The following KCNQ1 variants were observed in gnomAD, a reference collection of about 807,000 sequenced individuals.
The protein encoded by KCNQ1 is potassium voltage-gated channel subfamily Q member 1.
In KCNQ1, 49 loss-of-function variants were observed where a neutral mutation model predicts 72.4. That is an observed-to-expected ratio of 0.68 (90% CI 0.54 to 0.86). The LOEUF (loss-of-function observed/expected upper bound fraction) is 0.86. KCNQ1 is among the 40% of genes least tolerant of loss of function. The pLI is 0.00. For missense variants in KCNQ1, 790 were observed against 945.1 expected, an observed-to-expected ratio of 0.84 and a Z score of 2.15; for synonymous variants, 450 against 412.6, an observed-to-expected ratio of 1.09 and a Z score of -1.10.
Position 2,451,488 on chromosome 11 carries a change from G to A in KCNQ1, c.386+6004G>A, listed in dbSNP as rs1158861996. On this transcript the variant is annotated intron_variant, in intron 1 of 15. Transcript: ENST00000155840. This position sits in a 1 kb window ranked among gnomAD's most constrained non-coding sequence, Gnocchi z 6.4. ...GATTGAGGCTCGGGGCCATGGGATC[G>A]GCACTGTCATTGCCCTTGGAGGGTT... 1.3e-5 allele frequency among the ~76,000 whole-genome samples: 2 copies of A among 152,172 alleles called. No individual in the cohort carries two copies. Among genetic ancestry groups the A allele is most frequent in the East Asian group, 1.9e-4 (1 of 5,186 alleles).
In KCNQ1 at chr11:2,661,790, C is replaced by G. The variant is rs921420681; in HGVS notation, c.1394-171C>G. On this transcript the variant is annotated intron_variant, in intron 10 of 15. Coordinates refer to ENST00000155840, the MANE Select transcript of KCNQ1 (RefSeq NM_000218.3). The surrounding 1 kb of genome is among the most constrained non-coding windows in gnomAD (Gnocchi z 5.9). The stretch of plus-strand genomic sequence containing the variant: ...GAGGTGTCAGGCACTTTGGGGCCAT[C>G]TTAAACACCCACCCACCCCAACACC... 3 of 754,848 alleles carry G rather than the reference C, an allele frequency of 4.0e-6. No individual in the cohort carries two copies. Among genetic ancestry groups the G allele is most frequent in the Non-Finnish European group, 6.7e-6 (3 of 447,464 alleles). 46.8% of individuals were successfully genotyped at this position (754,848 alleles called of 1,614,324 possible). A position where few individuals can be genotyped will look rare whatever the true frequency, so the allele number is the denominator to read the frequency against.
At chr11:2,694,398 A>G (rs1850638874) in intron 11 of KCNQ1, 1 of 398,558 alleles carries the variant, frequency 2.5e-6, no homozygotes, top group African/African-American at 2.1e-5. Flanking sequence ...AGAATTACTA[A>G]TATCAACTAG....
rs199472706 is a variant in KCNQ1, at chr11:2,571,391, C to T, written c.671C>T (p.Thr224Met). The change falls in exon 4 of 16, where the codon ACG becomes ATG. Residue 224 changes from threonine (T) to methionine (M), a missense_variant. Thr to Met is a moderately conservative substitution (Grantham distance 81). Coordinates refer to ENST00000155840, the MANE Select transcript of KCNQ1 (RefSeq NM_000218.3). ...CVGSKGQVFA[T>M]SAIRGIRFLQ... ...GGCTCCAAGGGGCAGGTGTTTGCCACGTCGGCCATCAGGTGCGTCTGTGCC... is the reference window on the plus strand; with the variant it reads ...GGCTCCAAGGGGCAGGTGTTTGCCATGTCGGCCATCAGGTGCGTCTGTGCC... 22 of 1,611,626 alleles carry T rather than the reference C, an allele frequency of 1.4e-5. No individual in the cohort carries two copies. Among genetic ancestry groups the T allele is most frequent in the Non-Finnish European group, 5.9e-6 (7 of 1,179,874 alleles).
chr11:2,448,884 C>T (rs529406338), intron 1 of KCNQ1, among the ~76,000 whole-genome samples: 32 of 152,294 alleles, frequency 2.1e-4, no homozygotes, highest in Non-Finnish European at 4.6e-4. Flanking sequence ...ACTGTGGCTT[C>T]GTACTAGTTG....
At chr11:2,469,537 C>T (rs1004057242) in intron 1 of KCNQ1, among the ~76,000 whole-genome samples, 1 of 152,102 alleles carries the variant, frequency 6.6e-6, no homozygotes, top group Non-Finnish European at 1.5e-5. Context: ...TCCCAAAGTG[C>T]TGGGATTACA....
rs1024831910 is a variant in KCNQ1, at chr11:2,463,228, C to T, written c.386+17744C>T. On this transcript the variant is annotated intron_variant, in intron 1 of 15. Coordinates refer to ENST00000155840, the MANE Select transcript of KCNQ1 (RefSeq NM_000218.3). The surrounding 1 kb of genome is among the most constrained non-coding windows in gnomAD (Gnocchi z 7.0). ...GGGGGACCATTGACTTTACTGTGTG[C>T]CTGGAGAGCCTAATCCCTACCTGCC... Among the ~76,000 whole-genome samples, 1 of 152,148 alleles carries T rather than the reference C, an allele frequency of 6.6e-6. No individual in the cohort carries two copies. Among genetic ancestry groups the T allele is most frequent in the Non-Finnish European group, 1.5e-5 (1 of 68,018 alleles).
In KCNQ1 at chr11:2,769,008, C is replaced by A; in HGVS notation, c.1590+89C>A. 1 of 1,134,268 alleles carries A rather than the reference C, an allele frequency of 8.8e-7. No homozygotes were observed. The highest frequency in any genetic ancestry group is 1.3e-6 in the Non-Finnish European group (1 of 752,270). The allele number at this position is 1,134,268 out of a possible 1,614,324, so 70.3% of individuals were successfully genotyped here. ...CACCTCTCCTGGGTTCTCTCCTGCC[C>A]ATAGTGGAGGGTGTCAAGGCCTCCG... On this transcript the variant is annotated intron_variant, in intron 12 of 15. Transcript: ENST00000155840. The surrounding 1 kb of genome is among the most constrained non-coding windows in gnomAD (Gnocchi z 4.6).
rs1846865611 is a variant in KCNQ1, at chr11:2,493,424, C to T, written c.387-34504C>T. Among the ~76,000 whole-genome samples, 1 of 152,106 alleles carries T rather than the reference C, an allele frequency of 6.6e-6. No individual in the cohort carries two copies. Among genetic ancestry groups the T allele is most frequent in the African/African-American group, 2.4e-5 (1 of 41,408 alleles). On this transcript the variant is annotated intron_variant, in intron 1 of 15. Transcript: ENST00000155840. This position sits in a 1 kb window ranked among gnomAD's most constrained non-coding sequence, Gnocchi z 5.3. Reference sequence around the variant, plus strand: ...GGTGTTTTAGTCATGAAGTCCTTGCCCATGCCTATGTCCTGAATGGTATTG... The same window carrying T: ...GGTGTTTTAGTCATGAAGTCCTTGCTCATGCCTATGTCCTGAATGGTATTG...
At position 2,695,254 on chromosome 11, in the gene KCNQ1, C is replaced by T; in HGVS notation, c.1514+33173C>T. ...CGCTCTCTTCCTCTCCATGCTTTTCCACTTCATCTCTAGCCTCTATCCTTG... is the reference window on the plus strand; with the variant it reads ...CGCTCTCTTCCTCTCCATGCTTTTCTACTTCATCTCTAGCCTCTATCCTTG... On this transcript the variant is annotated intron_variant, in intron 11 of 15. Coordinates refer to ENST00000155840, the MANE Select transcript of KCNQ1 (RefSeq NM_000218.3). This position sits in a 1 kb window ranked among gnomAD's most constrained non-coding sequence, Gnocchi z 5.2. The T allele has an allele frequency of 2.5e-6, 1 of 398,660 alleles. No homozygotes were observed. The allele number at this position is 398,660 out of a possible 1,614,324, so 24.7% of individuals were successfully genotyped here. A position where few individuals can be genotyped will look rare whatever the true frequency, so the allele number is the denominator to read the frequency against.
Position 2,612,490 on chromosome 11 carries a change from T to G in KCNQ1, c.1393+23636T>G. 1 of 398,632 alleles carries G rather than the reference T, an allele frequency of 2.5e-6. No individual in the cohort carries two copies. The highest frequency in any genetic ancestry group is 3.6e-5 in the East Asian group (1 of 28,078). 24.7% of individuals were successfully genotyped at this position (398,632 alleles called of 1,614,324 possible). A position where few individuals can be genotyped will look rare whatever the true frequency, so the allele number is the denominator to read the frequency against. ...CATCTTTATGGATCTGCGTTGAAGT[T>G]CATTGATTCTTTCTTCTGCCAGGTC... On this transcript the variant is annotated intron_variant, in intron 10 of 15. Coordinates refer to ENST00000155840, the MANE Select transcript of KCNQ1 (RefSeq NM_000218.3). The surrounding 1 kb of genome is among the most constrained non-coding windows in gnomAD (Gnocchi z 5.5).
At chr11:2,558,088 A>G (rs1848098259) in intron 2 of KCNQ1, among the ~76,000 whole-genome samples, 1 of 152,232 alleles carries the variant, frequency 6.6e-6, no homozygotes, top group Non-Finnish European at 1.5e-5. Flanking sequence ...AATAGCCAGA[A>G]AGAAGAGATT....
rs1490866414 is a variant in KCNQ1, at chr11:2,817,377, A to G, written c.1795-30390A>G. On this transcript the variant is annotated intron_variant, in intron 15 of 15. Coordinates refer to ENST00000155840, the MANE Select transcript of KCNQ1 (RefSeq NM_000218.3). This position sits in a 1 kb window ranked among gnomAD's most constrained non-coding sequence, Gnocchi z 6.1. ...ACCCCTGTTGCACCCCAGGAGGAGA[A>G]TCACACCAGTGCCCCCTGACCCCCA... 6.6e-6 allele frequency among the ~76,000 whole-genome samples: 1 copy of G among 152,024 alleles called. No homozygotes were observed. Among genetic ancestry groups the G allele is most frequent in the African/African-American group, 2.4e-5 (1 of 41,388 alleles).
At chr11:2,741,749 G>T (rs1846054935) in intron 11 of KCNQ1, among the ~76,000 whole-genome samples, 1 of 152,258 alleles carries the variant, frequency 6.6e-6, no homozygotes, top group African/African-American at 2.4e-5. Context: ...CGGCCTCCTT[G>T]CAGGGGCAGC....
Position 2,715,582 on chromosome 11 carries a change from C to G in KCNQ1, c.1515-53262C>G, listed in dbSNP as rs983235085. 6.6e-6 allele frequency among the ~76,000 whole-genome samples: 1 copy of G among 152,172 alleles called. No individual in the cohort carries two copies. Among genetic ancestry groups the G allele is most frequent in the Non-Finnish European group, 1.5e-5 (1 of 68,010 alleles). On this transcript the variant is annotated intron_variant, in intron 11 of 15. Transcript: ENST00000155840. The surrounding 1 kb of genome is among the most constrained non-coding windows in gnomAD (Gnocchi z 4.9). The stretch of plus-strand genomic sequence containing the variant: ...GCCCAAGCCTTCCTCTTCCACCACC[C>G]CTGCTGGGGTCCCCTGGGACCCATC...
At chr11:2,552,410 T>C (rs1847996221) in intron 2 of KCNQ1, among the ~76,000 whole-genome samples, 2 of 152,230 alleles carry the variant, frequency 1.3e-5, no homozygotes, top group Admixed American at 1.3e-4. Flanking sequence ...GTTCGATTTC[T>C]GGACTTTGTC....
At chr11:2,795,948 G>T (rs1226404835) in intron 15 of KCNQ1, among the ~76,000 whole-genome samples, 1 of 152,168 alleles carries the variant, frequency 6.6e-6, no homozygotes, top group Non-Finnish European at 1.5e-5. Context: ...CCCCAGGTGA[G>T]ACCGGCCTTT....
intron 11 of KCNQ1, chr11:2,692,477 G>A (rs1366714753): frequency 7.5e-6 from 3 of 398,576 alleles, no homozygotes; most frequent in Admixed American, 4.4e-5. Context: ...TGCCTTTCTG[G>A]TAGTTCAGAT....
Position 2,734,041 on chromosome 11 carries a change from G to C in KCNQ1, c.1515-34803G>C, listed in dbSNP as rs1845911521. On this transcript the variant is annotated intron_variant, in intron 11 of 15. Transcript: ENST00000155840. This position sits in a 1 kb window ranked among gnomAD's most constrained non-coding sequence, Gnocchi z 7.0. ...CGCTCTAAATCAGGACCACCTTGCGGTTCTCCCAGCCCCAGCCTTGCCTTT... is the reference window on the plus strand; with the variant it reads ...CGCTCTAAATCAGGACCACCTTGCGCTTCTCCCAGCCCCAGCCTTGCCTTT... Among the ~76,000 whole-genome samples, 1 of 151,976 alleles carries C rather than the reference G, an allele frequency of 6.6e-6. No homozygotes were observed. The highest frequency in any genetic ancestry group is 1.5e-5 in the Non-Finnish European group (1 of 68,004).
Position 2,498,970 on chromosome 11 carries a change from G to C in KCNQ1, c.387-28958G>C, listed in dbSNP as rs1846964911. On this transcript the variant is annotated intron_variant, in intron 1 of 15. Transcript: ENST00000155840. The surrounding 1 kb of genome is among the most constrained non-coding windows in gnomAD (Gnocchi z 4.8). Reference sequence around the variant, plus strand: ...GCATGTTTGCAGTTCCCTCGGCTGGGGGAGGGAGGTCTCCCGGCTCCTTGC... The same window carrying C: ...GCATGTTTGCAGTTCCCTCGGCTGGCGGAGGGAGGTCTCCCGGCTCCTTGC... Among the ~76,000 whole-genome samples, 1 of 152,166 alleles carries C rather than the reference G, an allele frequency of 6.6e-6. No individual in the cohort carries two copies. Among genetic ancestry groups the C allele is most frequent in the African/African-American group, 2.4e-5 (1 of 41,442 alleles).
Sources: allele counts gnomAD v4.1 joint callset (sites outside exome capture counted in the v4.1 genomes callset), GRCh38; gene constraint gnomAD v4.1.1; non-coding constraint Gnocchi (gnomAD v3.1); transcripts MANE v1.5; gene names NCBI Gene and HGNC (gene_info 2026-07-23, HGNC 2026-07-21).